Variants in FAM13A observed in about 807,000 individuals in gnomAD.
The protein encoded by FAM13A is protein FAM13A.
A neutral mutation model predicts 129.6 loss-of-function variants in FAM13A; 76 were observed. The observed-to-expected ratio is 0.59, with a 90% CI of 0.49 to 0.71. FAM13A has a LOEUF of 0.71. Among genes scored for constraint, FAM13A ranks in the 30% least tolerant of loss-of-function variants. The pLI is 0.00. For synonymous variants in FAM13A, 443 were observed against 449.9 expected (o/e 0.98, Z 0.20); for missense variants, 1,108 against 1,249.3 (o/e 0.89, Z 1.70).
chr4:88,906,721 T>C (rs191264525), intron 5 of FAM13A, among the ~76,000 whole-genome samples: 50 of 152,370 alleles, frequency 3.3e-4, no homozygotes, highest in Admixed American at 6.5e-4. Flanking sequence ...TTAAAAATCA[T>C]ATCTGCACTG....
chr4:88,989,189 CAG>C (rs1762632305), intron 4 of FAM13A, among the ~76,000 whole-genome samples: 2 of 145,702 alleles, frequency 1.4e-5, no homozygotes, highest in African/African-American at 5.2e-5. Context: ...ACCTGGGTGA[CAG>C]AGCCAGACTC....
At chr4:88,936,134 T>C (rs1403261291) in intron 5 of FAM13A, 2 of 152,164 alleles carry the variant, frequency 1.3e-5, no homozygotes, top group Non-Finnish European at 2.9e-5. Flanking sequence ...CATACGATGT[T>C]CTCCACCAGC....
At chr4:88,768,314 C>A in intron 11 of FAM13A, 1 of 297,148 alleles carries the variant, frequency 3.4e-6, no homozygotes, top group Non-Finnish European at 6.2e-6. Context: ...CCATTGTGCC[C>A]TATAATGTCT....
At chr4:88,918,964 G>A (rs1441032079) in intron 5 of FAM13A, among the ~76,000 whole-genome samples, 1 of 152,172 alleles carries the variant, frequency 6.6e-6, no homozygotes, top group East Asian at 1.9e-4. Context: ...AATATGAGGA[G>A]GGCTCCTCAA....
intron 4 of FAM13A, among the ~76,000 whole-genome samples, chr4:88,939,215 G>T (rs1754347018): frequency 1.3e-5 from 2 of 152,146 alleles, no homozygotes; most frequent in South Asian, 4.1e-4. Context: ...TATACTCCCT[G>T]TGAAAGCTCT....
At chr4:88,960,473 C>T (rs1297425433) in intron 4 of FAM13A, among the ~76,000 whole-genome samples, 1 of 152,138 alleles carries the variant, frequency 6.6e-6, no homozygotes, top group African/African-American at 2.4e-5. Context: ...TTGAAGTAAT[C>T]CCTTGGTTCT....
At chr4:88,933,305 T>C (rs1430724354) in intron 5 of FAM13A, among the ~76,000 whole-genome samples, 1 of 152,182 alleles carries the variant, frequency 6.6e-6, no homozygotes, top group Non-Finnish European at 1.5e-5. Context: ...TATATATTCA[T>C]AACTCTTATA....
chr4:88,987,837 T>TAAAAAAAAAAAAA (rs1762432263), intron 4 of FAM13A, among the ~76,000 whole-genome samples: 4 of 15,444 alleles, frequency 2.6e-4, no homozygotes, highest in Non-Finnish European at 4.9e-4. Context: ...GAGACTCCTC[T>TAAAAAAAAAAAAA]CAAAAAAAAA....
rs190336156 is a variant in FAM13A, at chr4:88,942,483, C to T, written c.606-4242G>A. Among the ~76,000 whole-genome samples, 13 of 152,094 alleles carry T rather than the reference C, an allele frequency of 8.5e-5. No homozygotes were observed. In the East Asian group the frequency reaches 2.5e-3, roughly 29 times the overall value. Reference sequence around the variant, plus strand: ...TTGGGAGGCTGAGGGACGAGGATCACTTGAACCCAGGAGGCAGAGGTTGCA... The same window carrying T: ...TTGGGAGGCTGAGGGACGAGGATCATTTGAACCCAGGAGGCAGAGGTTGCA... On this transcript the variant is annotated intron_variant, in intron 4 of 23. Coordinates refer to ENST00000264344, the MANE Select transcript of FAM13A (RefSeq NM_014883.4).
intron 2 of FAM13A, among the ~76,000 whole-genome samples, chr4:89,021,698 A>T (rs543605369): frequency 2.6e-5 from 4 of 152,302 alleles, no homozygotes; most frequent in Admixed American, 6.5e-5. Context: ...TAAGAAGTAG[A>T]GTATGGAGAG....
chr4:88,733,464 G>A (rs540335722), intron 21 of FAM13A, among the ~76,000 whole-genome samples: 3 of 152,212 alleles, frequency 2.0e-5, no homozygotes, highest in South Asian at 2.1e-4. Flanking sequence ...AAATGAATAC[G>A]TTTCTTTTTG....
At chr4:88,860,903 C>A (rs898628300) in intron 6 of FAM13A, among the ~76,000 whole-genome samples, 1 of 152,164 alleles carries the variant, frequency 6.6e-6, no homozygotes, top group African/African-American at 2.4e-5. Flanking sequence ...AGTTATTTTA[C>A]AAAATGTGCA....
At chr4:88,784,081 G>A (rs1723496811) in intron 10 of FAM13A, among the ~76,000 whole-genome samples, 1 of 152,126 alleles carries the variant, frequency 6.6e-6, no homozygotes, top group Admixed American at 6.6e-5. Flanking sequence ...GTGAATGAAT[G>A]ACTAGAAAAA....
At chr4:88,767,519 G>T in intron 13 of FAM13A, 34 bp downstream of exon 13, 5 of 1,547,086 alleles carry the variant, frequency 3.2e-6, no homozygotes, top group Non-Finnish European at 4.4e-6. Flanking sequence ...GAACAGCCCC[G>T]TCACAGTCTT....
chr4:89,014,843 T>C (rs1165681578), intron 3 of FAM13A, among the ~76,000 whole-genome samples: 2 of 152,146 alleles, frequency 1.3e-5, no homozygotes, highest in Non-Finnish European at 2.9e-5. Context: ...TCTGGGCACA[T>C]TGAAAAAAGA....
Position 88,924,286 on chromosome 4 carries a change from C to G in FAM13A, c.759+13802G>C, listed in dbSNP as rs867134675. ...AAAGAACAAAGCTGGAGGCATCATG[C>G]TACCTGACTTCAAACTATACTACAA... On this transcript the variant is annotated intron_variant, in intron 5 of 23. Coordinates refer to ENST00000264344, the MANE Select transcript of FAM13A (RefSeq NM_014883.4). 6.5e-4 allele frequency among the ~76,000 whole-genome samples: 99 copies of G among 152,294 alleles called. 1 individual carries two copies. Among genetic ancestry groups the G allele is most frequent in the African/African-American group, 2.2e-3 (91 of 41,550 alleles).
chr4:88,808,202 C>T (rs750671245), intron 7 of FAM13A, among the ~76,000 whole-genome samples: 1 of 152,096 alleles, frequency 6.6e-6, no homozygotes, highest in Non-Finnish European at 1.5e-5. Context: ...ACAACTAAAT[C>T]ATTGATTTCA....
chr4:88,760,014 A>C (rs1320000275), intron 13 of FAM13A, among the ~76,000 whole-genome samples: 2 of 152,260 alleles, frequency 1.3e-5, no homozygotes, highest in East Asian at 3.8e-4. Flanking sequence ...CTTTAGGAAT[A>C]GCTAGAAATG....
intron 7 of FAM13A, among the ~76,000 whole-genome samples, chr4:88,827,077 A>G (rs1733129783): frequency 6.6e-6 from 1 of 152,088 alleles, no homozygotes; most frequent in African/African-American, 2.4e-5. Context: ...TCCCATGCCA[A>G]TGGACTTCGA....
Sources: allele counts gnomAD v4.1 joint callset (sites outside exome capture counted in the v4.1 genomes callset), GRCh38; gene constraint gnomAD v4.1.1; transcripts MANE v1.5; gene names NCBI Gene and HGNC (gene_info 2026-07-23, HGNC 2026-07-21).